Variants in SVEP1 observed in about 807,000 individuals in gnomAD.
SVEP1 encodes the protein sushi, von Willebrand factor type A, EGF and pentraxin domain containing 1, also known as sushi, von Willebrand factor type A, EGF and pentraxin domain-containing protein 1.
In SVEP1, 164 loss-of-function variants were observed where a neutral mutation model predicts 367.3. That is an observed-to-expected ratio of 0.45 (90% CI 0.39 to 0.51). The LOEUF is 0.51. SVEP1 is among the 20% of genes least tolerant of loss of function. SVEP1 has a pLI of 0.00. For missense variants in SVEP1, 4,117 were observed against 4,425.3 expected (o/e 0.93, Z 1.98); for synonymous variants, 1,666 against 1,611.6 (o/e 1.03, Z -0.81).
At chr9:110,466,401 T>C (rs891849549) in intron 17 of SVEP1, among the ~76,000 whole-genome samples, 3 of 152,150 alleles carry the variant, frequency 2.0e-5, no homozygotes, top group Admixed American at 6.5e-5. Context: ...TTATCCTGCG[T>C]GGCAGAAACA....
At chr9:110,545,480 T>C (rs553293516) in intron 3 of SVEP1, among the ~76,000 whole-genome samples, 51 of 152,326 alleles carry the variant, frequency 3.3e-4, no homozygotes, top group Middle Eastern at 6.8e-3. Flanking sequence ...TTCGAAGTGA[T>C]GGCAGTTTTA....
chr9:110,497,673 A>G lies in SVEP1; in HGVS notation c.1682-740T>C, dbSNP rs375096560. On this transcript the variant is annotated intron_variant, in intron 7 of 47. Coordinates refer to ENST00000374469, the MANE Select transcript of SVEP1 (RefSeq NM_153366.4). The stretch of plus-strand genomic sequence containing the variant: ...AGCAAGCAACAAATTAAAGCCAATG[A>G]TATTTTTTACTTTATACTATGGTGC... Among the ~76,000 whole-genome samples the G allele has an allele frequency of 2.0e-5, 3 of 152,376 alleles. No homozygotes were observed. In the East Asian group the frequency reaches 5.8e-4, roughly 29 times the overall value.
At chr9:110,394,084 T>G (rs1026720733) in intron 40 of SVEP1, among the ~76,000 whole-genome samples, 17 of 151,980 alleles carry the variant, frequency 1.1e-4, no homozygotes, top group African/African-American at 4.1e-4. Context: ...GACCCCCGAG[T>G]AGCCTAACTG....
In SVEP1 at chr9:110,406,136, G is replaced by A. The variant is rs765964321; in HGVS notation, c.9440+24C>T. 8.6e-6 allele frequency: 13 copies of A among 1,520,348 alleles called. No individual in the cohort carries two copies. The East Asian group carries it at 2.7e-4, about 32-fold the overall frequency. 94.2% of individuals were successfully genotyped at this position (1,520,348 alleles called of 1,614,324 possible). A position where few individuals can be genotyped will look rare whatever the true frequency, so the allele number is the denominator to read the frequency against. ...TTCATAATCCTGCCCGCACCCCTTG[G>A]AGACCCTAGAGCCATGATCTTACCT... On this transcript the variant is annotated intron_variant, in intron 38 of 47. Coordinates refer to ENST00000374469, the MANE Select transcript of SVEP1 (RefSeq NM_153366.4).
rs549327759 is a variant in SVEP1, at chr9:110,427,454, G to A, written c.5975+137C>T. 1,245 of 1,028,756 alleles carry A rather than the reference G, an allele frequency of 1.2e-3. 4 individuals carry two copies. The highest frequency in any genetic ancestry group is 1.6e-3 in the Non-Finnish European group (1,116 of 713,474). The allele number at this position is 1,028,756 out of a possible 1,614,324, so 63.7% of individuals were successfully genotyped here. Reference sequence around the variant, plus strand: ...GAATATACTCCGTCTCTGCAGGTAGGAAATAAAAGCATAAGGCTCTCTTTG... The same window carrying A: ...GAATATACTCCGTCTCTGCAGGTAGAAAATAAAAGCATAAGGCTCTCTTTG... On this transcript the variant is annotated intron_variant, in intron 36 of 47. Transcript: ENST00000374469.
intron 37 of SVEP1, 23 bp downstream of exon 37, chr9:110,411,040 C>T: frequency 1.3e-6 from 2 of 1,529,888 alleles, no homozygotes; most frequent in Non-Finnish European, 1.8e-6. Flanking sequence ...AAGCCACAGA[C>T]CATTTGCTAA....
At chr9:110,385,329 T>C (rs1263965028) in intron 43 of SVEP1, among the ~76,000 whole-genome samples, 1 of 152,156 alleles carries the variant, frequency 6.6e-6, no homozygotes, top group Non-Finnish European at 1.5e-5. Flanking sequence ...TTAAAAAACG[T>C]TGCGTTATCA....
At chr9:110,430,179 A>T (rs1235783031) in intron 33 of SVEP1, 95 bp downstream of exon 33, 23 of 1,358,632 alleles carry the variant, frequency 1.7e-5, no homozygotes, top group Non-Finnish European at 2.3e-5. Flanking sequence ...GTTCAAATAC[A>T]AAGAACATTG....
At chr9:110,524,396 CA>C (rs1231889766) in intron 3 of SVEP1, among the ~76,000 whole-genome samples, 1 of 151,786 alleles carries the variant, frequency 6.6e-6, no homozygotes, top group Non-Finnish European at 1.5e-5. Flanking sequence ...AATATAGACA[CA>C]AAAAAATCTT....
intron 9 of SVEP1, among the ~76,000 whole-genome samples, chr9:110,488,706 T>TAA (rs144779681): frequency 3.3e-5 from 5 of 149,398 alleles, no homozygotes; most frequent in South Asian, 2.1e-4. Flanking sequence ...ACAAAAAAAT[T>TAA]AAAAAAAAAC....
chr9:110,516,217 T>G (rs554372458), intron 3 of SVEP1, among the ~76,000 whole-genome samples: 250 of 150,114 alleles, frequency 1.7e-3, no homozygotes, highest in African/African-American at 5.9e-3. Flanking sequence ...TATAATATAC[T>G]AAAACATTAT....
At chr9:110,416,296 T>G (rs1828120191) in intron 36 of SVEP1, among the ~76,000 whole-genome samples, 1 of 151,588 alleles carries the variant, frequency 6.6e-6, no homozygotes, top group African/African-American at 2.4e-5. Context: ...GACTCAAAAT[T>G]CTATTAAAAG....
Position 110,440,473 on chromosome 9 carries a change from G to A in SVEP1, c.4639+3072C>T, listed in dbSNP as rs112556361. On this transcript the variant is annotated intron_variant, in intron 27 of 47. Coordinates refer to ENST00000374469, the MANE Select transcript of SVEP1 (RefSeq NM_153366.4). The stretch of plus-strand genomic sequence containing the variant: ...TGTGCTGTCGACAATACCAGGCACT[G>A]GACTTAGACAGATGAAAAAACATTT... Among the ~76,000 whole-genome samples the A allele has an allele frequency of 2.5e-3, 374 of 152,280 alleles. 1 individual carries two copies. The highest frequency in any genetic ancestry group is 8.6e-3 in the African/African-American group (357 of 41,542).
At chr9:110,372,974 G>A (rs1261115958) in intron 46 of SVEP1, among the ~76,000 whole-genome samples, 1 of 152,180 alleles carries the variant, frequency 6.6e-6, no homozygotes, top group Non-Finnish European at 1.5e-5. Flanking sequence ...GGGACATGGA[G>A]ACAAGAAGGT....
At chr9:110,533,390 A>C (rs1330015188) in intron 3 of SVEP1, among the ~76,000 whole-genome samples, 2 of 152,232 alleles carry the variant, frequency 1.3e-5, no homozygotes, top group African/African-American at 2.4e-5. Flanking sequence ...CATAGAGATG[A>C]AAAACTGCCC....
In SVEP1 at chr9:110,406,429, G is replaced by A; in HGVS notation, c.9171C>T (p.Pro3057=). The change falls in exon 38 of 48, where the codon CCC becomes CCT. Residue 3057 remains proline, a synonymous_variant. Transcript: ENST00000374469. ...AACCACAAGAAGTGTGTTCACAGTG[G>A]GGGAACCCAGAGCTCCACTGGCCAT... The part of the protein sequence containing the change: ...EADGQWSSGF[P]HCEHTSCGSL... 3 of 1,614,040 alleles carry A rather than the reference G, an allele frequency of 1.9e-6. No individual in the cohort carries two copies. The highest frequency in any genetic ancestry group is 2.2e-5 in the South Asian group (2 of 91,088).
At chr9:110,567,880 G>A (rs1292720161) in intron 1 of SVEP1, among the ~76,000 whole-genome samples, 1 of 152,162 alleles carries the variant, frequency 6.6e-6, no homozygotes, top group African/African-American at 2.4e-5. Flanking sequence ...AGATGACTCT[G>A]CCTATTTGCA....
Position 110,497,001 on chromosome 9 carries a change from G to A in SVEP1, c.1682-68C>T, listed in dbSNP as rs75744045. On this transcript the variant is annotated intron_variant, in intron 7 of 47. Transcript: ENST00000374469. ...TGGTCCTAGATCATTTAAGGAAGAG[G>A]TACAAATCTAGTTATATTAATACAC... The A allele has an allele frequency of 8.7e-3, 9,128 of 1,044,976 alleles. 83 individuals carry two copies. The highest frequency in any genetic ancestry group is 0.011 in the Non-Finnish European group (8,112 of 723,816). The allele number at this position is 1,044,976 out of a possible 1,614,324, so 64.7% of individuals were successfully genotyped here.
chr9:110,546,017 A>G (rs1392019291), intron 3 of SVEP1, 98 bp downstream of exon 3: 1 of 1,396,702 alleles, frequency 7.2e-7, no homozygotes, highest in East Asian at 2.5e-5. Flanking sequence ...CCACACACTA[A>G]TGAGCAATAA....
Sources: gnomAD v4.1 joint callset for allele counts (sites outside exome capture counted in the v4.1 genomes callset) on GRCh38, gnomAD v4.1.1 for gene constraint, MANE v1.5 for transcripts, NCBI Gene and HGNC (gene_info 2026-07-23, HGNC 2026-07-21) for gene names.